Variants in DLG2 observed in about 807,000 individuals in gnomAD.
The protein encoded by DLG2 is discs large MAGUK scaffold protein 2, also known as disks large homolog 2.
A neutral mutation model predicts 132.5 loss-of-function variants in DLG2; 45 were observed. That is an observed-to-expected ratio of 0.34 (90% CI 0.27 to 0.44). The LOEUF is 0.44. Among genes scored for constraint, DLG2 ranks in the 20% least tolerant of loss-of-function variants. The pLI, the probability that DLG2 is intolerant of heterozygous loss-of-function variation, is 1.00. For missense variants in DLG2, 1,045 were observed against 1,196.9 expected (o/e 0.87, Z 1.87); for synonymous variants, 424 against 419.6 (o/e 1.01, Z -0.13).
At chr11:83,576,563 G>A (rs2096877184) in intron 19 of DLG2, among the ~76,000 whole-genome samples, 1 of 152,104 alleles carries the variant, frequency 6.6e-6, no homozygotes, top group South Asian at 2.1e-4. Context: ...AGAGAATAAG[G>A]AAGACAAGGA....
intron 3 of DLG2, among the ~76,000 whole-genome samples, chr11:85,513,580 T>C (rs1448632157): frequency 1.3e-5 from 2 of 151,942 alleles, no homozygotes; most frequent in African/African-American, 4.8e-5. Flanking sequence ...CACTTATCTT[T>C]CACTAGTATA....
At chr11:85,285,445 G>C in intron 3 of DLG2, 80 bp from the exon 4 acceptor site, 3 of 1,321,408 alleles carry the variant, frequency 2.3e-6, no homozygotes, top group Non-Finnish European at 2.1e-6. Context: ...TCCATATATA[G>C]ACATACAGAA....
At chr11:84,419,349 G>C (rs1207003418) in intron 7 of DLG2, among the ~76,000 whole-genome samples, 1 of 152,092 alleles carries the variant, frequency 6.6e-6, no homozygotes, top group Non-Finnish European at 1.5e-5. Context: ...TTATGCCTGG[G>C]AGAAATTACA....
intron 18 of DLG2, among the ~76,000 whole-genome samples, chr11:83,670,590 A>G (rs2076670003): frequency 6.6e-6 from 1 of 152,022 alleles, no homozygotes; most frequent in African/African-American, 2.4e-5. Flanking sequence ...GTGTTGTCAT[A>G]GATGAAGACA....
chr11:84,981,476 C>G (rs1252626099), intron 6 of DLG2, among the ~76,000 whole-genome samples: 1 of 152,076 alleles, frequency 6.6e-6, no homozygotes, highest in Non-Finnish European at 1.5e-5. Context: ...TGCACCAAAC[C>G]CAGCTCAGAA....
chr11:84,492,289 A>G lies in DLG2; in HGVS notation c.519+42281T>C, dbSNP rs1159001560. Among the ~76,000 whole-genome samples the G allele has an allele frequency of 2.0e-5, 3 of 152,278 alleles. No homozygotes were observed. The South Asian group carries it at 6.2e-4, about 32-fold the overall frequency. On this transcript the variant is annotated intron_variant, in intron 7 of 27. Coordinates refer to ENST00000376104, the MANE Select transcript of DLG2 (RefSeq NM_001142699.3). Reference sequence around the variant, plus strand: ...GTGATGATTTGATTTGTTTAACTACATTCAAGTATATGTGGAATAATCAAG... The same window carrying G: ...GTGATGATTTGATTTGTTTAACTACGTTCAAGTATATGTGGAATAATCAAG...
At chr11:83,696,381 G>A (rs950928571) in intron 18 of DLG2, among the ~76,000 whole-genome samples, 6 of 152,088 alleles carry the variant, frequency 3.9e-5, no homozygotes, top group African/African-American at 1.2e-4. Flanking sequence ...GTGAGAGGGC[G>A]ACATTTTGTG....
intron 3 of DLG2, among the ~76,000 whole-genome samples, chr11:85,497,860 T>A (rs1188864201): frequency 6.6e-6 from 1 of 152,160 alleles, no homozygotes; most frequent in African/African-American, 2.4e-5. Flanking sequence ...AATAAAATCT[T>A]TTACAGACAA....
At chr11:84,394,367 T>C (rs920074583) in intron 7 of DLG2, among the ~76,000 whole-genome samples, 10 of 152,024 alleles carry the variant, frequency 6.6e-5, no homozygotes, top group African/African-American at 2.4e-4. Flanking sequence ...AAAATATCTT[T>C]ATTTAGCCTT....
chr11:84,915,440 G>A (rs1014885955), intron 6 of DLG2, among the ~76,000 whole-genome samples: 22 of 152,264 alleles, frequency 1.4e-4, no homozygotes, highest in African/African-American at 5.3e-4. Context: ...GCTGCATGTT[G>A]CAATCCAGCA....
At chr11:84,847,640 A>G (rs2081643324) in intron 6 of DLG2, among the ~76,000 whole-genome samples, 1 of 152,202 alleles carries the variant, frequency 6.6e-6, no homozygotes, top group Non-Finnish European at 1.5e-5. Context: ...CTTTAGCTCA[A>G]GAAACAATTC....
At position 84,741,056 on chromosome 11, in the gene DLG2, CTTTTTTTTTTTTTTTT is replaced by C. The variant is rs1163275954; in HGVS notation, c.358-206341_358-206326del. ...GACCAAACAACTGTGTGCCTATGCT[CTTTTTTTTTTTTTTTT>C]TTTTTTTTTTTTGAGATGGAGTCTC... On this transcript the variant is annotated intron_variant, in intron 6 of 27. Transcript: ENST00000376104. 3.8e-5 allele frequency among the ~76,000 whole-genome samples: 3 copies of C among 79,298 alleles called. 1 individual carries two copies. Among genetic ancestry groups the C allele is most frequent in the Admixed American group, 3.0e-4 (2 of 6,672 alleles). 52.0% of individuals were successfully genotyped at this position (79,298 alleles called of 152,430 possible).
chr11:84,725,349 T>G (rs2062312933), intron 6 of DLG2, among the ~76,000 whole-genome samples: 1 of 152,148 alleles, frequency 6.6e-6, no homozygotes, highest in Non-Finnish European at 1.5e-5. Flanking sequence ...ATCAAACATA[T>G]AAGGTTTTGG....
chr11:84,550,321 A>C (rs1344137059), intron 6 of DLG2, among the ~76,000 whole-genome samples: 2 of 152,072 alleles, frequency 1.3e-5, no homozygotes, highest in Admixed American at 6.6e-5. Flanking sequence ...ACTTCTCTTG[A>C]TCCAGTGCCT....
intron 6 of DLG2, among the ~76,000 whole-genome samples, chr11:85,107,110 A>G (rs750126232): frequency 1.3e-4 from 20 of 152,022 alleles, no homozygotes; most frequent in Non-Finnish European, 2.9e-4. Flanking sequence ...ATGCTATTTG[A>G]GAATTTTTCA....
chr11:84,918,439 G>A (rs949647112), intron 6 of DLG2, among the ~76,000 whole-genome samples: 5 of 152,076 alleles, frequency 3.3e-5, no homozygotes, highest in African/African-American at 1.2e-4. Flanking sequence ...GTTTATTAAA[G>A]GAAGGACAGA....
chr11:84,929,361 T>C (rs966340128), intron 6 of DLG2, among the ~76,000 whole-genome samples: 2 of 151,984 alleles, frequency 1.3e-5, no homozygotes, highest in Non-Finnish European at 2.9e-5. Context: ...TAATATAACC[T>C]ACTTTTACAT....
At chr11:84,231,272 A>G (rs1475108075) in intron 8 of DLG2, among the ~76,000 whole-genome samples, 2 of 152,220 alleles carry the variant, frequency 1.3e-5, no homozygotes, top group Admixed American at 6.5e-5. Context: ...AGTTAAATAG[A>G]ATGATGCTGG....
At chr11:84,184,813 T>C (rs1230249830) in intron 8 of DLG2, among the ~76,000 whole-genome samples, 2 of 152,068 alleles carry the variant, frequency 1.3e-5, no homozygotes, top group Admixed American at 1.3e-4. Context: ...CCCAGCACCA[T>C]TTATTAAATA....
Sources: gnomAD v4.1 joint callset for allele counts (sites outside exome capture counted in the v4.1 genomes callset) on GRCh38, gnomAD v4.1.1 for gene constraint, MANE v1.5 for transcripts, NCBI Gene and HGNC (gene_info 2026-07-23, HGNC 2026-07-21) for gene names.